Variants in FCHSD2 observed in about 807,000 individuals in gnomAD.
The protein encoded by FCHSD2 is FCH and double SH3 domains 2, also known as F-BAR and double SH3 domains protein 2.
In FCHSD2, 38 loss-of-function variants were observed where a neutral mutation model predicts 108.1. The ratio of observed to expected loss-of-function variants is 0.35; its 90% CI spans 0.27 to 0.46. The LOEUF (loss-of-function observed/expected upper bound fraction) is 0.46, where lower values mean the gene tolerates loss of function less well. Among genes scored for constraint, FCHSD2 ranks in the 20% least tolerant of loss-of-function variants. The pLI, the probability that FCHSD2 is intolerant of heterozygous loss-of-function variation, is 1.00. For missense variants in FCHSD2, 751 were observed against 897.8 expected, an observed-to-expected ratio of 0.84 and a Z score of 2.09; for synonymous variants, 279 against 314.7, an observed-to-expected ratio of 0.89 and a Z score of 1.20.
At chr11:73,098,826 G>A (rs1860150841) in intron 2 of FCHSD2, among the ~76,000 whole-genome samples, 1 of 152,102 alleles carries the variant, frequency 6.6e-6, no homozygotes, top group East Asian at 1.9e-4. Context: ...AAAACACAGG[G>A]GCAATTCTTC....
At chr11:72,921,781 A>G (rs773441156) in intron 9 of FCHSD2, 47 bp downstream of exon 9, 1 of 1,526,460 alleles carries the variant, frequency 6.6e-7, no homozygotes, top group Non-Finnish European at 9.0e-7. Flanking sequence ...GAAATACTTT[A>G]GCTTCTAAGT....
intron 2 of FCHSD2, among the ~76,000 whole-genome samples, chr11:73,091,195 G>A (rs1859947619): frequency 6.6e-6 from 1 of 152,074 alleles, no homozygotes; most frequent in African/African-American, 2.4e-5. Flanking sequence ...CACATCCTGA[G>A]TATTATGGAT....
chr11:73,072,793 T>C (rs923690435), intron 3 of FCHSD2, among the ~76,000 whole-genome samples: 3 of 152,200 alleles, frequency 2.0e-5, no homozygotes, highest in Admixed American at 2.0e-4. Flanking sequence ...TAAGTTTCTA[T>C]GCAGATGAAA....
intron 5 of FCHSD2, among the ~76,000 whole-genome samples, chr11:72,995,257 T>C (rs1020005364): frequency 2.6e-5 from 4 of 152,246 alleles, no homozygotes; most frequent in South Asian, 2.1e-4. Flanking sequence ...TAAATTGTAA[T>C]AGTACTTATC....
At position 73,001,124 on chromosome 11, in the gene FCHSD2, G is replaced by A. The variant is rs771880379; in HGVS notation, c.253C>T (p.Pro85Ser). 17 of 1,612,880 alleles carry A rather than the reference G, an allele frequency of 1.1e-5. No homozygotes were observed. Among genetic ancestry groups the A allele is most frequent in the African/African-American group, 2.7e-5 (2 of 74,902 alleles). The change falls in exon 5 of 20, where the codon CCC becomes TCC. Residue 85 changes from proline to serine, a missense_variant. Transcript: ENST00000409418. Reference sequence around the variant, plus strand: ...CCCTCGAGAAAAGATTTCCAAACGGGATACATGCTCCTAAATTCAAAGAGG... The same window carrying A: ...CCCTCGAGAAAAGATTTCCAAACGGAATACATGCTCCTAAATTCAAAGAGG... ...DDRNDYRSMYPVWKSFLEGTM... is the reference protein window; with the variant it reads ...DDRNDYRSMYSVWKSFLEGTM...
At chr11:73,058,080 C>T (rs1346227320) in intron 3 of FCHSD2, among the ~76,000 whole-genome samples, 1 of 152,058 alleles carries the variant, frequency 6.6e-6, no homozygotes, top group Non-Finnish European at 1.5e-5. Flanking sequence ...AGGGTTTCAC[C>T]GTGTTAGCCA....
intron 3 of FCHSD2, among the ~76,000 whole-genome samples, chr11:73,068,069 A>C (rs1173710237): frequency 6.6e-6 from 1 of 152,058 alleles, no homozygotes; most frequent in Admixed American, 6.6e-5. Context: ...TACCACGAGA[A>C]CAGTATGGAA....
At chr11:72,930,614 G>A (rs1368705429) in intron 8 of FCHSD2, among the ~76,000 whole-genome samples, 2 of 152,096 alleles carry the variant, frequency 1.3e-5, no homozygotes, top group Non-Finnish European at 2.9e-5. Context: ...GCGTGGTGGT[G>A]CCCATCCGTA....
chr11:72,863,620 A>G (rs561735930), intron 13 of FCHSD2, among the ~76,000 whole-genome samples: 2 of 152,368 alleles, frequency 1.3e-5, no homozygotes, highest in East Asian at 3.9e-4. Flanking sequence ...ATTTGTATTC[A>G]GAGTATAAAC....
At chr11:72,989,123 T>C (rs1343688558) in intron 5 of FCHSD2, 26 bp from the exon 6 acceptor site, 1 of 1,580,238 alleles carries the variant, frequency 6.3e-7, no homozygotes, top group Non-Finnish European at 8.6e-7. Context: ...GTACAATCAT[T>C]ATGATTTTAG....
chr11:73,120,590 G>T (rs183682027), intron 2 of FCHSD2, among the ~76,000 whole-genome samples: 2 of 152,112 alleles, frequency 1.3e-5, no homozygotes, highest in Non-Finnish European at 2.9e-5. Flanking sequence ...TTAGCCGGGC[G>T]TGGTGGTGCA....
At chr11:72,971,524 A>C (rs1316151720) in intron 8 of FCHSD2, among the ~76,000 whole-genome samples, 1 of 152,226 alleles carries the variant, frequency 6.6e-6, no homozygotes, top group African/African-American at 2.4e-5. Context: ...AAACATGAAC[A>C]GGACTGGACA....
chr11:73,015,568 T>C (rs1174712326), intron 4 of FCHSD2, among the ~76,000 whole-genome samples: 1 of 152,168 alleles, frequency 6.6e-6, no homozygotes, highest in Non-Finnish European at 1.5e-5. Context: ...ATTAATTATA[T>C]AAAATATAAT....
chr11:73,032,159 A>G (rs1036772090), intron 3 of FCHSD2, among the ~76,000 whole-genome samples: 7 of 152,314 alleles, frequency 4.6e-5, no homozygotes, highest in African/African-American at 1.7e-4. Context: ...TCTAGAATAC[A>G]TATGAACTTG....
intron 2 of FCHSD2, among the ~76,000 whole-genome samples, chr11:73,115,240 C>T (rs1046237076): frequency 1.3e-5 from 2 of 152,190 alleles, no homozygotes; most frequent in African/African-American, 4.8e-5. Context: ...TCAATCACAG[C>T]ACTCTCCCTC....
At chr11:72,956,522 A>G (rs1261052860) in intron 8 of FCHSD2, among the ~76,000 whole-genome samples, 1 of 152,190 alleles carries the variant, frequency 6.6e-6, no homozygotes. Context: ...ACTTATAATC[A>G]ACAGCATTAA....
intron 8 of FCHSD2, among the ~76,000 whole-genome samples, chr11:72,974,477 T>C (rs561450860): frequency 3.3e-5 from 5 of 152,314 alleles, no homozygotes; most frequent in African/African-American, 9.6e-5. Flanking sequence ...AGAGGACACA[T>C]TCAAACCATA....
chr11:72,919,927 G>A (rs1855946484), intron 9 of FCHSD2, among the ~76,000 whole-genome samples: 1 of 151,672 alleles, frequency 6.6e-6, no homozygotes, highest in Non-Finnish European at 1.5e-5. Context: ...AATAATCATG[G>A]GTTAATAAGG....
chr11:72,954,299 C>T (rs1856673145), intron 8 of FCHSD2, among the ~76,000 whole-genome samples: 1 of 149,804 alleles, frequency 6.7e-6, no homozygotes, highest in African/African-American at 2.5e-5. Context: ...GCCTCAAACA[C>T]CTGGGCTCAT....
Sources: gnomAD v4.1 joint callset for allele counts (sites outside exome capture counted in the v4.1 genomes callset) on GRCh38, gnomAD v4.1.1 for gene constraint, MANE v1.5 for transcripts, NCBI Gene and HGNC (gene_info 2026-07-23, HGNC 2026-07-21) for gene names.